The following WASF1 variants were observed in gnomAD, a reference collection of about 807,000 sequenced individuals.
WASF1 encodes the protein actin-binding protein WASF1.
WASF1 carries 7 observed loss-of-function variants against 50.5 expected under a neutral mutation model. That is an observed-to-expected ratio of 0.14 (90% CI 0.08 to 0.26). The LOEUF (loss-of-function observed/expected upper bound fraction) is 0.26, where lower values mean the gene tolerates loss of function less well. WASF1 is among the 10% of genes least tolerant of loss of function. The pLI is 1.00. For synonymous variants in WASF1, 205 were observed against 244.0 expected, an observed-to-expected ratio of 0.84 and a Z score of 1.49; for missense variants, 470 against 694.7, an observed-to-expected ratio of 0.68 and a Z score of 3.64.
At chr6:110,123,291 T>G (rs1207084309) in intron 4 of WASF1, among the ~76,000 whole-genome samples, 9 of 152,030 alleles carry the variant, frequency 5.9e-5, no homozygotes. Context: ...AGATATAGAT[T>G]CAGAAATTTA....
chr6:110,110,568 T>C (rs1008046099), intron 5 of WASF1, among the ~76,000 whole-genome samples: 1 of 152,226 alleles, frequency 6.6e-6, no homozygotes, highest in Non-Finnish European at 1.5e-5. Context: ...TTATCGTTTG[T>C]CTTATTATTA....
intron 3 of WASF1, among the ~76,000 whole-genome samples, chr6:110,136,603 T>C (rs1442549568): frequency 2.6e-5 from 4 of 152,254 alleles, no homozygotes; most frequent in African/African-American, 7.2e-5. Flanking sequence ...TCTCTAATAA[T>C]ATGGTTTTTG....
intron 1 of WASF1, 24 bp from the exon 2 acceptor site, chr6:110,178,766 T>A (rs927836436): frequency 6.6e-6 from 1 of 152,330 alleles, no homozygotes; most frequent in African/African-American, 2.4e-5. Context: ...AAAAGAAAAA[T>A]GGGAAAGGTG....
chr6:110,127,665 T>C (rs1365869654), intron 3 of WASF1, 36 bp from the exon 4 acceptor site: 14 of 1,446,056 alleles, frequency 9.7e-6, no homozygotes, highest in Non-Finnish European at 1.3e-5. Flanking sequence ...CAATATTAAA[T>C]TTCAGCCAAC....
At chr6:110,138,755 G>A (rs1336919340) in intron 3 of WASF1, among the ~76,000 whole-genome samples, 1 of 152,128 alleles carries the variant, frequency 6.6e-6, no homozygotes, top group Non-Finnish European at 1.5e-5. Context: ...AGTTTTTATG[G>A]GCTCAGAAGG....
At chr6:110,160,215 G>A (rs1200889788) in intron 3 of WASF1, among the ~76,000 whole-genome samples, 2 of 151,754 alleles carry the variant, frequency 1.3e-5, no homozygotes, top group Non-Finnish European at 2.9e-5. Context: ...CTATGAGCAA[G>A]GAAGAATAAT....
At chr6:110,104,094 C>T (rs1207493668) in intron 8 of WASF1, among the ~76,000 whole-genome samples, 2 of 151,956 alleles carry the variant, frequency 1.3e-5, no homozygotes, top group Non-Finnish European at 2.9e-5. Flanking sequence ...TGTCCTTCTG[C>T]TGTTTTCAAA....
At position 110,143,271 on chromosome 6, in the gene WASF1, G is replaced by A. The variant is rs1181700611; in HGVS notation, c.-28-15642C>T. On this transcript the variant is annotated intron_variant, in intron 3 of 10. Transcript: ENST00000392589. The stretch of plus-strand genomic sequence containing the variant: ...GATCTCACAATATCTTATATTGAAA[G>A]CCCTCTTTTAAGAAGGCAAGGAAAA... Among the ~76,000 whole-genome samples, 36 of 151,760 alleles carry A rather than the reference G, an allele frequency of 2.4e-4. 2 individuals are homozygous for A. The highest frequency in any genetic ancestry group is 2.3e-3 in the Admixed American group (35 of 15,234).
chr6:110,149,664 G>C (rs1775739949), intron 3 of WASF1, among the ~76,000 whole-genome samples: 1 of 152,098 alleles, frequency 6.6e-6, no homozygotes, highest in Admixed American at 6.6e-5. Flanking sequence ...GATGAGACTA[G>C]ATTTTGTCTT....
intron 2 of WASF1, among the ~76,000 whole-genome samples, chr6:110,170,886 T>C (rs997510906): frequency 6.6e-6 from 1 of 152,056 alleles, no homozygotes; most frequent in African/African-American, 2.4e-5. Context: ...GGGCAAATTC[T>C]CCAAGACCTA....
At chr6:110,130,504 C>A (rs746820505) in intron 3 of WASF1, among the ~76,000 whole-genome samples, 1 of 152,142 alleles carries the variant, frequency 6.6e-6, no homozygotes, top group Admixed American at 6.5e-5. Context: ...TTATGCCTTG[C>A]CTTTTTCATT....
intron 2 of WASF1, among the ~76,000 whole-genome samples, chr6:110,161,520 T>C (rs914864555): frequency 6.6e-6 from 1 of 151,598 alleles, no homozygotes. Context: ...TTTTACCAGA[T>C]TAAACTTTAC....
At chr6:110,137,567 T>C (rs1775025120) in intron 3 of WASF1, among the ~76,000 whole-genome samples, 1 of 152,218 alleles carries the variant, frequency 6.6e-6, no homozygotes, top group African/African-American at 2.4e-5. Flanking sequence ...TCTCTGATTA[T>C]ATACTGGCCT....
chr6:110,141,048 G>T (rs1775209499), intron 3 of WASF1, among the ~76,000 whole-genome samples: 1 of 151,854 alleles, frequency 6.6e-6, no homozygotes, highest in African/African-American at 2.4e-5. Context: ...TTTTTTTCTG[G>T]AATTTTCCAT....
At chr6:110,137,093 T>C (rs1775002763) in intron 3 of WASF1, among the ~76,000 whole-genome samples, 1 of 152,196 alleles carries the variant, frequency 6.6e-6, no homozygotes. Context: ...AAATGTTAAA[T>C]ATGTATCTGC....
At chr6:110,168,609 A>G (rs572396440) in intron 2 of WASF1, among the ~76,000 whole-genome samples, 2 of 152,182 alleles carry the variant, frequency 1.3e-5, no homozygotes, top group Admixed American at 6.6e-5. Context: ...CCAAGCCTAG[A>G]GCAACTGTTA....
chr6:110,101,819 G>C lies in WASF1; in HGVS notation c.1291C>G (p.Pro431Ala). Residue 431 changes from proline to alanine, a missense_variant, in exon 10 of 11, where the codon CCT becomes GCT. Coordinates refer to ENST00000392589, the MANE Select transcript of WASF1 (RefSeq NM_003931.3). ...GGTCGAATGCCAGGTGGAGGCAGAG[G>C]AGGCGGTGGTGGGGGTGGAGGCAGC... ...QGLPPPPPPP[P>A]LPPPGIRPSS... 6.2e-7 allele frequency: 1 copy of C among 1,614,138 alleles called. No homozygotes were observed. Among genetic ancestry groups the C allele is most frequent in the Non-Finnish European group, 8.5e-7 (1 of 1,180,002 alleles).
intron 4 of WASF1, among the ~76,000 whole-genome samples, chr6:110,123,636 C>T (rs1189237434): frequency 6.6e-6 from 1 of 151,920 alleles, no homozygotes; most frequent in African/African-American, 2.4e-5. Context: ...CAGAGGAGCC[C>T]AATAACAGGC....
At chr6:110,120,500 A>G (rs527849660) in intron 4 of WASF1, among the ~76,000 whole-genome samples, 1 of 143,804 alleles carries the variant, frequency 7.0e-6, no homozygotes, top group Non-Finnish European at 1.5e-5. Flanking sequence ...GACCTCTTCA[A>G]GGAGAACTAC....
Sources: gnomAD v4.1 joint callset for allele counts (sites outside exome capture counted in the v4.1 genomes callset) on GRCh38, gnomAD v4.1.1 for gene constraint, MANE v1.5 for transcripts, NCBI Gene and HGNC (gene_info 2026-07-23, HGNC 2026-07-21) for gene names.